CFAP77: variants seen among roughly 807,000 people sequenced by gnomAD.
CFAP77 encodes the protein cilia- and flagella-associated protein 77.
Under a neutral mutation model 31.1 loss-of-function variants are expected in CFAP77, and 25 were observed. The observed-to-expected ratio is 0.80, with a 90% CI of 0.59 to 1.12. CFAP77 has a LOEUF of 1.12. Among genes scored for constraint, CFAP77 ranks in the 50% most tolerant of loss-of-function variants. The pLI is 0.00. For synonymous variants in CFAP77, 151 were observed against 159.9 expected (o/e 0.94, Z 0.42); for missense variants, 377 against 397.3 (o/e 0.95, Z 0.44).
At chr9:132,445,516 G>A (rs1381488899) in intron 1 of CFAP77, among the ~76,000 whole-genome samples, 2 of 152,142 alleles carry the variant, frequency 1.3e-5, no homozygotes, top group Admixed American at 6.6e-5. Flanking sequence ...TCTACCTTTA[G>A]GCTATTGTGA....
At chr9:132,557,678 C>T (rs1365869692) in intron 5 of CFAP77, among the ~76,000 whole-genome samples, 1 of 152,160 alleles carries the variant, frequency 6.6e-6, no homozygotes, top group Non-Finnish European at 1.5e-5. Context: ...TGTTCTGGCA[C>T]CCCATGCAAA....
At chr9:132,556,535 G>T (rs1030475284) in intron 5 of CFAP77, among the ~76,000 whole-genome samples, 5 of 152,068 alleles carry the variant, frequency 3.3e-5, no homozygotes, top group Admixed American at 1.3e-4. Context: ...GGCAGTTTTT[G>T]AAAGGTGAAA....
chr9:132,411,765 G>A (rs1443631487), intron 1 of CFAP77, among the ~76,000 whole-genome samples: 2 of 152,092 alleles, frequency 1.3e-5, no homozygotes, highest in Non-Finnish European at 2.9e-5. Context: ...GTAGTTAGTA[G>A]TGAGCCAACT....
chr9:132,522,994 C>A (rs969419932), intron 3 of CFAP77, among the ~76,000 whole-genome samples: 7 of 152,166 alleles, frequency 4.6e-5, no homozygotes, highest in African/African-American at 7.2e-5. Context: ...ACTAAGTAAG[C>A]TGAAATATGA....
intron 5 of CFAP77, among the ~76,000 whole-genome samples, chr9:132,557,894 C>T (rs573363586): frequency 6.6e-6 from 1 of 151,412 alleles, no homozygotes; most frequent in African/African-American, 2.4e-5. Flanking sequence ...ATGTCTCCTC[C>T]CCCGGTTCTG....
intron 3 of CFAP77, among the ~76,000 whole-genome samples, chr9:132,529,768 G>T (rs1224949371): frequency 6.6e-6 from 1 of 151,138 alleles, no homozygotes; most frequent in Non-Finnish European, 1.5e-5. Flanking sequence ...AGAGGTTGCA[G>T]TGAGCCAAGG....
At position 132,465,625 on chromosome 9, in the gene CFAP77, T is replaced by C. The variant is rs570806006; in HGVS notation, c.196-33070T>C. ...TGTTCACTTGGGGGACCTCAGTGGG[T>C]GAGATGGAAAAAAAGGGGTTGTTTA... On this transcript the variant is annotated intron_variant, in intron 1 of 5. Coordinates refer to ENST00000393216, the MANE Select transcript of CFAP77 (RefSeq NM_001282957.2). Among the ~76,000 whole-genome samples the C allele has an allele frequency of 4.6e-5, 7 of 152,102 alleles. No homozygotes were observed. In the Middle Eastern group the frequency reaches 0.014, roughly 296 times the overall value.
intron 1 of CFAP77, among the ~76,000 whole-genome samples, chr9:132,420,146 G>A (rs1291565640): frequency 1.6e-4 from 19 of 116,036 alleles, no homozygotes; most frequent in Non-Finnish European, 5.3e-5. Flanking sequence ...GGGTGACAGA[G>A]CAAGACCTTG....
chr9:132,505,383 G>A (rs1018247086), intron 3 of CFAP77, among the ~76,000 whole-genome samples: 2 of 152,146 alleles, frequency 1.3e-5, no homozygotes, highest in African/African-American at 4.8e-5. Flanking sequence ...AATCCACACC[G>A]ATTTGCTGCA....
intron 1 of CFAP77, among the ~76,000 whole-genome samples, chr9:132,451,690 T>G (rs1850829892): frequency 6.6e-6 from 1 of 152,116 alleles, no homozygotes; most frequent in Non-Finnish European, 1.5e-5. Flanking sequence ...GCCATCACTG[T>G]TTGCTACCCG....
chr9:132,519,708 G>T (rs979507151), intron 3 of CFAP77, among the ~76,000 whole-genome samples: 2 of 54,248 alleles, frequency 3.7e-5, no homozygotes, highest in African/African-American at 1.3e-4. Context: ...GGGTGGGTGG[G>T]TGGGTAGATG....
chr9:132,497,560 G>A lies in CFAP77; in HGVS notation c.196-1135G>A, dbSNP rs1851765184. 6.6e-6 allele frequency among the ~76,000 whole-genome samples: 1 copy of A among 152,228 alleles called. No homozygotes were observed. The highest frequency in any genetic ancestry group is 2.4e-5 in the African/African-American group (1 of 41,466). On this transcript the variant is annotated intron_variant, in intron 1 of 5. Coordinates refer to ENST00000393216, the MANE Select transcript of CFAP77 (RefSeq NM_001282957.2). This position sits in a 1 kb window ranked among gnomAD's most constrained non-coding sequence, Gnocchi z 4.9. Reference sequence around the variant, plus strand: ...CAGGGAGCCACAAGAAGCTGGGGCTGTGGGCATTTCTTTGGCTTGTGGATC... The same window carrying A: ...CAGGGAGCCACAAGAAGCTGGGGCTATGGGCATTTCTTTGGCTTGTGGATC...
chr9:132,546,273 C>A (rs1852727228), intron 5 of CFAP77, among the ~76,000 whole-genome samples: 1 of 152,316 alleles, frequency 6.6e-6, no homozygotes. Context: ...GGGCGGGTGG[C>A]CAGGGCCACT....
Position 132,490,547 on chromosome 9 carries a change from C to T in CFAP77, c.196-8148C>T, listed in dbSNP as rs568986857. Among the ~76,000 whole-genome samples the T allele has an allele frequency of 6.6e-6, 1 of 152,306 alleles. No homozygotes were observed. The highest frequency in any genetic ancestry group is 2.1e-4 in the South Asian group (1 of 4,830). On this transcript the variant is annotated intron_variant, in intron 1 of 5. Coordinates refer to ENST00000393216, the MANE Select transcript of CFAP77 (RefSeq NM_001282957.2). This position sits in a 1 kb window ranked among gnomAD's most constrained non-coding sequence, Gnocchi z 4.6. ...CTCTGTAGGCTTCTAGAAGGCCCCA[C>T]TGGACAAGCTGGGGAGGGAGGCCAA...
intron 1 of CFAP77, among the ~76,000 whole-genome samples, chr9:132,494,884 A>G (rs1223392146): frequency 6.6e-6 from 1 of 152,078 alleles, no homozygotes; most frequent in African/African-American, 2.4e-5. Flanking sequence ...CCTCTTTCTT[A>G]TTGATTTGTA....
rs774087426 is a variant in CFAP77, at chr9:132,521,762, C to CTT, written c.525-15818_525-15817dup. Among the ~76,000 whole-genome samples the CTT allele has an allele frequency of 7.8e-3, 485 of 62,518 alleles. 24 individuals carry two copies. The highest frequency in any genetic ancestry group is 0.02 in the Middle Eastern group (2 of 98). The allele number at this position is 62,518 out of a possible 152,430, so 41.0% of individuals were successfully genotyped here. A position where few individuals can be genotyped will look rare whatever the true frequency, so the allele number is the denominator to read the frequency against. ...GCTGAGAAAGACAGAAATAGACTTG[C>CTT]TTTTTTTTTTTTTTTTTTTTTTGAG... On this transcript the variant is annotated intron_variant, in intron 3 of 5. Transcript: ENST00000393216.
rs185666215 is a variant in CFAP77 at position 132,440,328 on chromosome 9, C to A, written c.195+29862C>A. Among the ~76,000 whole-genome samples, 602 of 152,006 alleles carry A rather than the reference C, an allele frequency of 4.0e-3. 2 individuals are homozygous for A. The highest frequency in any genetic ancestry group is 6.8e-3 in the Non-Finnish European group (462 of 67,988). The stretch of plus-strand genomic sequence containing the variant: ...CTCCAGCCTGGGTGACAGAGTGAGA[C>A]CCTGTCTCAAAATAATAATAATAAT... On this transcript the variant is annotated intron_variant, in intron 1 of 5. Transcript: ENST00000393216.
chr9:132,500,661 C>A (rs1851826141), intron 3 of CFAP77, among the ~76,000 whole-genome samples: 1 of 152,218 alleles, frequency 6.6e-6, no homozygotes, highest in South Asian at 2.1e-4. Context: ...ACCTCCCACA[C>A]TCCCCCTGAG....
chr9:132,419,564 A>C (rs1850172794), intron 1 of CFAP77, among the ~76,000 whole-genome samples: 1 of 152,220 alleles, frequency 6.6e-6, no homozygotes, highest in African/African-American at 2.4e-5. Context: ...TTTACTGGAC[A>C]ATAGTGAATT....
Sources: allele counts gnomAD v4.1 joint callset (sites outside exome capture counted in the v4.1 genomes callset), GRCh38; gene constraint gnomAD v4.1.1; non-coding constraint Gnocchi (gnomAD v3.1); transcripts MANE v1.5; gene names NCBI Gene and HGNC (gene_info 2026-07-23, HGNC 2026-07-21).